Variants in ELMO1 observed in about 807,000 individuals in gnomAD.
ELMO1 encodes the protein engulfment and cell motility 1, also known as engulfment and cell motility protein 1.
A neutral mutation model predicts 98.9 loss-of-function variants in ELMO1; 26 were observed. That is an observed-to-expected ratio of 0.26 (90% CI 0.19 to 0.36). ELMO1 has a LOEUF of 0.36. Among genes scored for constraint, ELMO1 ranks in the 10% least tolerant of loss-of-function variants. The probability of loss-of-function intolerance (pLI) is 1.00; values close to 1 mark genes in which losing one functional copy is unlikely to be tolerated. For missense variants in ELMO1, 627 were observed against 935.2 expected (o/e 0.67, Z 4.30); for synonymous variants, 346 against 346.0 (o/e 1.00, Z 0.00).
chr7:37,148,975 T>C (rs1183768325), intron 13 of ELMO1, among the ~76,000 whole-genome samples: 2 of 152,172 alleles, frequency 1.3e-5, no homozygotes, highest in Non-Finnish European at 2.9e-5. Context: ...CAAACATCAC[T>C]CCAAGGTGGG....
intron 2 of ELMO1, among the ~76,000 whole-genome samples, chr7:37,331,920 T>TC (rs1441194378): frequency 6.8e-6 from 1 of 146,152 alleles, no homozygotes; most frequent in Admixed American, 6.8e-5. Flanking sequence ...CAAGGACCGT[T>TC]TGAATATGCT....
rs147653161 is a variant in ELMO1 at position 37,201,203 on chromosome 7, T to G, written c.1086+10183A>C. ...GTCAGATCAAACTTCCCCATACAGC[T>G]TTGCATAACTCCCCACCAATGCTGG... On this transcript the variant is annotated intron_variant, in intron 13 of 21. Coordinates refer to ENST00000310758, the MANE Select transcript of ELMO1 (RefSeq NM_014800.11). Among the ~76,000 whole-genome samples, 29 of 152,254 alleles carry G rather than the reference T, an allele frequency of 1.9e-4. No homozygotes were observed. In the East Asian group the frequency reaches 5.4e-3, roughly 28 times the overall value.
chr7:37,445,502 A>G (rs147355153), intron 1 of ELMO1, among the ~76,000 whole-genome samples: 70 of 152,304 alleles, frequency 4.6e-4, no homozygotes, highest in African/African-American at 1.4e-3. Context: ...ACAGTGTGTG[A>G]TCAGGTGAGC....
chr7:37,347,417 C>T (rs1299353007), intron 1 of ELMO1, among the ~76,000 whole-genome samples: 1 of 140,072 alleles, frequency 7.1e-6, no homozygotes, highest in African/African-American at 2.5e-5. Context: ...CCCTCAGTCT[C>T]GACAAATTTT....
chr7:36,970,217 A>ACG (rs1554375644), intron 16 of ELMO1, among the ~76,000 whole-genome samples: 1 of 146,476 alleles, frequency 6.8e-6, no homozygotes, highest in Non-Finnish European at 1.5e-5. Flanking sequence ...ACACACACAC[A>ACG]CACGCACACC....
At chr7:37,117,657 A>G (rs1785696627) in intron 14 of ELMO1, among the ~76,000 whole-genome samples, 1 of 152,220 alleles carries the variant, frequency 6.6e-6, no homozygotes, top group African/African-American at 2.4e-5. Flanking sequence ...AATCAACGAA[A>G]TTAATGCCAC....
At chr7:36,975,894 T>C (rs1182380811) in intron 16 of ELMO1, among the ~76,000 whole-genome samples, 1 of 150,410 alleles carries the variant, frequency 6.6e-6, no homozygotes, top group East Asian at 1.9e-4. Flanking sequence ...TTTCAATATA[T>C]AGTTGAATGT....
chr7:37,134,925 T>C (rs972743405), intron 13 of ELMO1, among the ~76,000 whole-genome samples: 1 of 152,134 alleles, frequency 6.6e-6, no homozygotes, highest in Non-Finnish European at 1.5e-5. Context: ...TGGGAATTGG[T>C]GGGATGATGA....
chr7:37,173,955 C>G (rs949749892), intron 13 of ELMO1, among the ~76,000 whole-genome samples: 2 of 152,222 alleles, frequency 1.3e-5, no homozygotes, highest in African/African-American at 4.8e-5. Context: ...TCTGGTGAAG[C>G]TAACGTCATC....
At chr7:37,175,543 T>C (rs1790452778) in intron 13 of ELMO1, among the ~76,000 whole-genome samples, 1 of 152,158 alleles carries the variant, frequency 6.6e-6, no homozygotes, top group South Asian at 2.1e-4. Context: ...CTCTTCCCCA[T>C]GCCCAACTCA....
At chr7:37,032,832 A>G (rs985050216) in intron 15 of ELMO1, among the ~76,000 whole-genome samples, 52 of 152,058 alleles carry the variant, frequency 3.4e-4, no homozygotes, top group African/African-American at 1.0e-3. Flanking sequence ...TCAGGCATAG[A>G]CTCTGACCAG....
At chr7:37,433,764 G>A (rs540785255) in intron 1 of ELMO1, among the ~76,000 whole-genome samples, 121 of 152,174 alleles carry the variant, frequency 8.0e-4, no homozygotes, top group South Asian at 4.4e-3. Flanking sequence ...GAGTCTTTAT[G>A]TCCCTGAAAA....
At chr7:37,058,263 T>C (rs1796493361) in intron 15 of ELMO1, among the ~76,000 whole-genome samples, 1 of 152,180 alleles carries the variant, frequency 6.6e-6, no homozygotes, top group African/African-American at 2.4e-5. Context: ...AAAGTCATCT[T>C]CTCTGGGATG....
In ELMO1 at chr7:36,980,446, AC is replaced by A. The variant is rs149530741; in HGVS notation, c.1437+32852del. On this transcript the variant is annotated intron_variant, in intron 16 of 21. Coordinates refer to ENST00000310758, the MANE Select transcript of ELMO1 (RefSeq NM_014800.11). The stretch of plus-strand genomic sequence containing the variant: ...AGTTCAGAAGTTTGACGCATATATG[AC>A]ATAGGAAGTCACCAAGTCTAAACTT... Among the ~76,000 whole-genome samples, 650 of 152,324 alleles carry A rather than the reference AC, an allele frequency of 4.3e-3. 11 individuals carry two copies. Among genetic ancestry groups the A allele is most frequent in the African/African-American group, 0.015 (620 of 41,566 alleles).
chr7:37,063,105 C>T (rs1400518897), intron 15 of ELMO1, among the ~76,000 whole-genome samples: 2 of 152,112 alleles, frequency 1.3e-5, no homozygotes, highest in Non-Finnish European at 2.9e-5. Context: ...CTTCTGAATG[C>T]CAGTTCTCTT....
At chr7:37,374,782 G>A (rs1028572858) in intron 1 of ELMO1, among the ~76,000 whole-genome samples, 1 of 150,590 alleles carries the variant, frequency 6.6e-6, no homozygotes, top group African/African-American at 2.5e-5. Context: ...AAATATCTTG[G>A]CTGGGCGCAG....
chr7:36,870,383 G>A lies in ELMO1; in HGVS notation c.1905+10C>T. 6.2e-7 allele frequency: 1 copy of A among 1,613,822 alleles called. No individual in the cohort carries two copies. The highest frequency in any genetic ancestry group is 1.3e-5 in the African/African-American group (1 of 75,042). On this transcript the variant is annotated intron_variant, in intron 20 of 21. Transcript: ENST00000310758. The surrounding 1 kb of genome is among the most constrained non-coding windows in gnomAD (Gnocchi z 4.4). ...AAATAGAGCTATTTGCAATAATTTGGAAATCATACCTTGTTTTGTTTAAGG... is the reference window on the plus strand; with the variant it reads ...AAATAGAGCTATTTGCAATAATTTGAAAATCATACCTTGTTTTGTTTAAGG...
rs116323904 is a variant in ELMO1, at chr7:36,875,020, C to T, written c.1822+2990G>A. On this transcript the variant is annotated intron_variant, in intron 19 of 21. Transcript: ENST00000310758. ...TTTATCAATAGCTCAGTATTCAGCA[C>T]GGATTAACTCAAGGGGCACAAGACA... Among the ~76,000 whole-genome samples, 424 of 152,326 alleles carry T rather than the reference C, an allele frequency of 2.8e-3. 5 individuals carry two copies. Among genetic ancestry groups the T allele is most frequent in the African/African-American group, 9.6e-3 (397 of 41,550 alleles).
intron 1 of ELMO1, among the ~76,000 whole-genome samples, chr7:37,407,751 G>T (rs745789444): frequency 6.6e-6 from 1 of 152,022 alleles, no homozygotes; most frequent in Non-Finnish European, 1.5e-5. Flanking sequence ...GTGGATAAAC[G>T]GCATTATGCA....
Sources: allele counts gnomAD v4.1 joint callset (sites outside exome capture counted in the v4.1 genomes callset), GRCh38; gene constraint gnomAD v4.1.1; non-coding constraint Gnocchi (gnomAD v3.1); transcripts MANE v1.5; gene names NCBI Gene and HGNC (gene_info 2026-07-23, HGNC 2026-07-21).